PHC3: variants seen among roughly 807,000 people sequenced by gnomAD.
The protein encoded by PHC3 is polyhomeotic-like protein 3.
PHC3 carries 13 observed loss-of-function variants against 107.4 expected under a neutral mutation model. That is an observed-to-expected ratio of 0.12 (90% CI 0.08 to 0.19). The LOEUF (loss-of-function observed/expected upper bound fraction) is 0.19. Among genes scored for constraint, PHC3 ranks in the 10% least tolerant of loss-of-function variants. The pLI is 1.00. For synonymous variants in PHC3, 456 were observed against 427.4 expected, an observed-to-expected ratio of 1.07 and a Z score of -0.83; for missense variants, 992 against 1,210.9, an observed-to-expected ratio of 0.82 and a Z score of 2.68.
intron 4 of PHC3, among the ~76,000 whole-genome samples, chr3:170,166,726 A>G (rs1002436367): frequency 6.6e-6 from 1 of 152,052 alleles, no homozygotes; most frequent in Non-Finnish European, 1.5e-5. Flanking sequence ...GTACAGTGGC[A>G]TAATTATAGC....
At chr3:170,140,742 T>C (rs867867078) in intron 6 of PHC3, among the ~76,000 whole-genome samples, 2 of 150,986 alleles carry the variant, frequency 1.3e-5, no homozygotes, top group East Asian at 3.9e-4. Flanking sequence ...TGTTTACAGA[T>C]ACCCACCACC....
At chr3:170,138,832 T>C (rs915025492) in intron 6 of PHC3, among the ~76,000 whole-genome samples, 2 of 152,150 alleles carry the variant, frequency 1.3e-5, no homozygotes, top group African/African-American at 4.8e-5. Context: ...AGTTCTCATA[T>C]TCCACCCAAA....
At chr3:170,155,869 G>GTA (rs1376861941) in intron 4 of PHC3, among the ~76,000 whole-genome samples, 2 of 152,080 alleles carry the variant, frequency 1.3e-5, no homozygotes, top group African/African-American at 2.4e-5. Context: ...TGTTAAAGGT[G>GTA]TATATATATA....
chr3:170,145,296 A>T, intron 6 of PHC3, 127 bp downstream of exon 6: 1 of 628,028 alleles, frequency 1.6e-6, no homozygotes, highest in Non-Finnish European at 2.6e-6. Context: ...TATTTTATTA[A>T]ATTTCAATCT....
intron 8 of PHC3, 149 bp downstream of exon 8, chr3:170,128,535 T>A: frequency 8.6e-7 from 1 of 1,162,212 alleles, no homozygotes. Flanking sequence ...TTTTTGCCCA[T>A]ACAGCATGTT....
At chr3:170,140,360 TCTC>T (rs1723843442) in intron 6 of PHC3, among the ~76,000 whole-genome samples, 1 of 151,592 alleles carries the variant, frequency 6.6e-6, no homozygotes, top group Non-Finnish European at 1.5e-5. Flanking sequence ...TTCAAGCAAT[TCTC>T]CTGCCTCAGC....
chr3:170,150,039 A>G (rs951740695), intron 4 of PHC3: 3 of 152,228 alleles, frequency 2.0e-5, no homozygotes, highest in Non-Finnish European at 4.4e-5. Context: ...TTTGATCACT[A>G]TACATGATAT....
At chr3:170,112,047 A>T (rs189255677) in intron 11 of PHC3, among the ~76,000 whole-genome samples, 1 of 152,208 alleles carries the variant, frequency 6.6e-6, no homozygotes, top group Non-Finnish European at 1.5e-5. Flanking sequence ...CCATGATCAA[A>T]AAGATGCTCC....
intron 12 of PHC3, among the ~76,000 whole-genome samples, chr3:170,104,283 G>A (rs942482325): frequency 1.3e-5 from 2 of 151,908 alleles, no homozygotes; most frequent in Non-Finnish European, 2.9e-5. Context: ...TGAACAATGG[G>A]AAAGACCTGG....
chr3:170,147,659 T>C (rs1386927343), intron 5 of PHC3: 1 of 152,164 alleles, frequency 6.6e-6, no homozygotes, highest in African/African-American at 2.4e-5. Flanking sequence ...AGGATATACA[T>C]AGGTTATATG....
chr3:170,103,905 A>G (rs577367599), intron 12 of PHC3, among the ~76,000 whole-genome samples: 1 of 152,048 alleles, frequency 6.6e-6, no homozygotes, highest in East Asian at 1.9e-4. Flanking sequence ...ACCCGTCTCT[A>G]CCCAAAATAC....
In PHC3 at chr3:170,136,252, CT is replaced by C. The variant is rs571117190; in HGVS notation, c.919+166del. Reference sequence around the variant, plus strand: ...GTTACAATTTATTTTATCTTTTGGGCTTTTTTGTCTCTTTTCAAGCTACACA... The same window carrying C: ...GTTACAATTTATTTTATCTTTTGGGCTTTTTGTCTCTTTTCAAGCTACACA... On this transcript the variant is annotated intron_variant, in intron 7 of 14. Transcript: ENST00000495893. 407 of 747,762 alleles carry C rather than the reference CT, an allele frequency of 5.4e-4. 3 individuals are homozygous for C. The African/African-American group carries it at 6.4e-3, about 12-fold the overall frequency. The allele number at this position is 747,762 out of a possible 1,614,324, so 46.3% of individuals were successfully genotyped here. A position where few individuals can be genotyped will look rare whatever the true frequency, so the allele number is the denominator to read the frequency against.
chr3:170,104,662 C>T (rs1716129717), intron 12 of PHC3, among the ~76,000 whole-genome samples: 1 of 152,074 alleles, frequency 6.6e-6, no homozygotes. Context: ...TATGCTGACA[C>T]CAAAACAAAT....
Position 170,106,884 on chromosome 3 carries a change from C to T in PHC3, c.2416G>A (p.Ala806Thr). ...CGTTTTGACCGCAAAAATTCATTAGCATATCCCATTTTCCCACAGAATTCA... is the reference window on the plus strand; with the variant it reads ...CGTTTTGACCGCAAAAATTCATTAGTATATCCCATTTTCCCACAGAATTCA... ...KCEFCGKMGY[A>T]NEFLRSKRFC... The change falls in exon 12 of 15, where the codon GCT becomes ACT. Residue 806 changes from alanine to threonine, a missense_variant. Physicochemically the swap from Ala to Thr is moderately conservative, Grantham distance 58 (BLOSUM62 0). Around this residue, in one of 6 missense-constraint regions of PHC3, gnomAD observed 228 missense variants for 288.8 expected, o/e 0.79. Coordinates refer to ENST00000495893, the MANE Select transcript of PHC3 (RefSeq NM_024947.4). 6.2e-7 allele frequency: 1 copy of T among 1,612,502 alleles called. No homozygotes were observed. The highest frequency in any genetic ancestry group is 8.5e-7 in the Non-Finnish European group (1 of 1,179,374).
rs1714508666 is a variant in PHC3 at position 170,095,279 on chromosome 3, CAT to C, written c.*1949_*1950del. 6.6e-6 allele frequency: 1 copy of C among 152,090 alleles called. No individual in the cohort carries two copies. The highest frequency in any genetic ancestry group is 6.6e-5 in the Admixed American group (1 of 15,254). The allele number at this position is 152,090 out of a possible 1,614,324, so 9.4% of individuals were successfully genotyped here. On this transcript the variant is annotated 3_prime_UTR_variant, in exon 15 of 15. Transcript: ENST00000495893. ...AAATGTGATATAAAGAAATACGTAA[CAT>C]AGACTACAAGCTATCGTAGGTCTGG...
intron 4 of PHC3, among the ~76,000 whole-genome samples, chr3:170,150,335 T>C (rs1725694429): frequency 6.6e-6 from 1 of 151,926 alleles, no homozygotes; most frequent in Admixed American, 6.6e-5. Context: ...GATGGAAAAA[T>C]CCTGAATATC....
intron 4 of PHC3, among the ~76,000 whole-genome samples, chr3:170,151,944 T>C (rs1478367770): frequency 1.3e-5 from 2 of 152,198 alleles, no homozygotes; most frequent in Non-Finnish European, 2.9e-5. Context: ...CTCTCTGTAC[T>C]AGTTTTGCAA....
intron 9 of PHC3, among the ~76,000 whole-genome samples, chr3:170,121,725 G>A (rs767983411): frequency 5.3e-5 from 8 of 152,084 alleles, no homozygotes; most frequent in Admixed American, 1.3e-4. Context: ...ACAATTGTGA[G>A]GAATATCATA....
At chr3:170,118,504 C>A (rs1362705907) in intron 9 of PHC3, among the ~76,000 whole-genome samples, 1 of 152,176 alleles carries the variant, frequency 6.6e-6, no homozygotes, top group African/African-American at 2.4e-5. Context: ...CTCTGCCTCC[C>A]GGGTTCATGC....
Sources: gnomAD v4.1 joint callset for allele counts (sites outside exome capture counted in the v4.1 genomes callset) on GRCh38, gnomAD v4.1.1 for gene constraint, gnomAD v4.1.1 regional missense constraint, MANE v1.5 for transcripts, NCBI Gene and HGNC (gene_info 2026-07-23, HGNC 2026-07-21) for gene names.